TAF1D: variants seen among roughly 807,000 people sequenced by gnomAD.
TAF1D encodes TATA box-binding protein-associated factor RNA polymerase I subunit D.
Under a neutral mutation model 26.2 loss-of-function variants are expected in TAF1D, and 23 were observed. The observed-to-expected ratio is 0.88, with a 90% CI of 0.63 to 1.25. The LOEUF is 1.25. TAF1D is among the 50% of genes most tolerant of loss of function. The pLI is 0.00. For missense variants in TAF1D, 299 were observed against 322.0 expected, an observed-to-expected ratio of 0.93 and a Z score of 0.55; for synonymous variants, 100 against 105.6, an observed-to-expected ratio of 0.95 and a Z score of 0.33.
Position 93,737,147 on chromosome 11 carries a change from T to C in TAF1D, c.552A>G (p.Glu184=). The C allele has an allele frequency of 6.2e-7, 1 of 1,612,604 alleles. No individual in the cohort carries two copies. Among genetic ancestry groups the C allele is most frequent in the South Asian group, 1.1e-5 (1 of 90,728 alleles). Reference sequence around the variant, plus strand: ...TGTCAAAATCTTCATTTTCTAAATCTTCACCAACATTCATTTGCTTCAATG... The same window carrying C: ...TGTCAAAATCTTCATTTTCTAAATCCTCACCAACATTCATTTGCTTCAATG... ...KESLKQMNVG[E]DLENEDFDSR... is the part of the protein sequence containing the mutation. Residue 184 remains glutamate (E), a synonymous_variant, in exon 4 of 6, where the codon GAA becomes GAG. Transcript: ENST00000448108.
At position 93,738,398 on chromosome 11, in the gene TAF1D, T is replaced by A. The variant is rs1166869694; in HGVS notation, c.170A>T (p.Glu57Val). The A allele has an allele frequency of 6.2e-7, 1 of 1,613,924 alleles. No individual in the cohort carries two copies. Among genetic ancestry groups the A allele is most frequent in the Non-Finnish European group, 8.5e-7 (1 of 1,179,984 alleles). Reference sequence around the variant, plus strand: ...TGATGAATCACTTGCGTGAACACTTTCAGGTGTACGAACAAATTTTCGAAT... The same window carrying A: ...TGATGAATCACTTGCGTGAACACTTACAGGTGTACGAACAAATTTTCGAAT... ...NPIRKFVRTP[E>V]SVHASDSSSD... The change falls in exon 3 of 6, where the codon GAA becomes GTA. Residue 57 changes from glutamate to valine, a missense_variant. Glu to Val is a moderately radical substitution (Grantham distance 121, BLOSUM62 -2). Transcript: ENST00000448108.
At chr11:93,733,533 A>G (rs1267358726), downstream of TAF1D, 1 of 518,800 alleles carries the variant, frequency 1.9e-6, no homozygotes, top group Admixed American at 1.9e-5. Context: ...CCACAGAGTT[A>G]CTCTATGAGG....
chr11:93,741,146 G>A (rs1591313640), intron 1 of TAF1D, among the ~76,000 whole-genome samples, 176 bp downstream of exon 1: 2 of 152,340 alleles, frequency 1.3e-5, no homozygotes, highest in African/African-American at 4.8e-5. Flanking sequence ...CGTTTGTGTG[G>A]GACTCATACC....
downstream of TAF1D, chr11:93,730,761 G>A (rs569447938): frequency 2.6e-4 from 116 of 448,240 alleles, 1 homozygote; most frequent in South Asian, 6.6e-4. Flanking sequence ...AGAGATGAGT[G>A]TACAGTGAGT....
exon 12 of TAF1D, chr11:93,730,440 A>AGTT: frequency 1.3e-6 from 1 of 761,060 alleles, no homozygotes; most frequent in Non-Finnish European, 2.4e-6. Flanking sequence ...TTTATCTTCA[A>AGTT]GTTTGCCCTG....
downstream of TAF1D, chr11:93,730,808 C>A: frequency 2.5e-6 from 1 of 404,886 alleles, no homozygotes; most frequent in Non-Finnish European, 4.8e-6. Context: ...CCTGAGTTAA[C>A]TCTACTACAA....
chr11:93,731,347 T>C (rs191780699), downstream of TAF1D: 29 of 348,204 alleles, frequency 8.3e-5, no homozygotes, highest in Middle Eastern at 1.9e-3. Context: ...GAAAATTCTA[T>C]GCTTAAAATA....
At chr11:93,737,013 G>T (rs1236434737) in intron 4 of TAF1D, 51 bp downstream of exon 4, 11 of 1,427,190 alleles carry the variant, frequency 7.7e-6, no homozygotes, top group South Asian at 1.5e-5. Context: ...AATTAACATA[G>T]AAATTTAATT....
downstream of TAF1D, chr11:93,735,238 T>C (rs780233072): frequency 2.2e-6 from 3 of 1,348,794 alleles, no homozygotes; most frequent in South Asian, 3.4e-5. Context: ...ATAAGTGCAG[T>C]CCCAAAATGC....
At chr11:93,732,792 T>C (rs1939520457), downstream of TAF1D, 1 of 231,166 alleles carries the variant, frequency 4.3e-6, no homozygotes, top group Non-Finnish European at 8.8e-6. Flanking sequence ...CACAAAATTC[T>C]TTTTATGTAA....
At chr11:93,730,919 TAAAG>T, downstream of TAF1D, 1 of 475,266 alleles carries the variant, frequency 2.1e-6, no homozygotes, top group South Asian at 1.6e-5. Flanking sequence ...TCACTGATTT[TAAAG>T]AAAAATCACA....
At chr11:93,737,485 AT>A (rs1941043002) in intron 3 of TAF1D, among the ~76,000 whole-genome samples, 1 of 152,186 alleles carries the variant, frequency 6.6e-6, no homozygotes, top group Non-Finnish European at 1.5e-5. Context: ...TACTAAAGGC[AT>A]TTTAAAATGT....
At chr11:93,736,530 T>G (rs1401897406) in intron 5 of TAF1D, 164 bp downstream of exon 5, 2 of 1,424,148 alleles carry the variant, frequency 1.4e-6, no homozygotes, top group African/African-American at 2.9e-5. Flanking sequence ...ATGTTCTTTA[T>G]CAAGTCTCTA....
chr11:93,737,963 G>T, intron 3 of TAF1D, 146 bp downstream of exon 3: 1 of 760,658 alleles, frequency 1.3e-6, no homozygotes, highest in East Asian at 2.9e-5. Flanking sequence ...AGGATAGGGT[G>T]GACTTTAGGG....
In TAF1D at chr11:93,737,207, A is replaced by G; in HGVS notation, c.492T>C (p.Ile164=). The part of the protein sequence containing the change: ...QAVARGFFNY[I]EKLKYEHHLK... The stretch of plus-strand genomic sequence containing the variant: ...GGTGGTGTTCATACTTCAGTTTTTC[A>G]ATATAGTTAAAAAATCCTCTTGCAA... The change falls in exon 4 of 6, where the codon ATT becomes ATC. Residue 164 remains isoleucine, a synonymous_variant. Coordinates refer to ENST00000448108, the MANE Select transcript of TAF1D (RefSeq NM_024116.4). The G allele has an allele frequency of 6.2e-7, 1 of 1,605,732 alleles. No homozygotes were observed. Among genetic ancestry groups the G allele is most frequent in the Non-Finnish European group, 8.5e-7 (1 of 1,176,970 alleles).
At chr11:93,733,055 C>T, downstream of TAF1D, 2 of 330,994 alleles carry the variant, frequency 6.0e-6, no homozygotes, top group Non-Finnish European at 1.2e-5. Flanking sequence ...CTTTTGAGTC[C>T]TTGATTATTA....
In TAF1D at chr11:93,736,134, G is replaced by C; in HGVS notation, c.*27C>G. The C allele has an allele frequency of 6.4e-7, 1 of 1,557,584 alleles. No homozygotes were observed. Among genetic ancestry groups the C allele is most frequent in the South Asian group, 1.1e-5 (1 of 89,720 alleles). ...TTCTATGAAGTCGTTTTTTCTATATGCTTCACCTTTGACATTCATGATCCT... is the reference window on the plus strand; with the variant it reads ...TTCTATGAAGTCGTTTTTTCTATATCCTTCACCTTTGACATTCATGATCCT... On this transcript the variant is annotated 3_prime_UTR_variant, in exon 6 of 6. Transcript: ENST00000448108.
Position 93,741,465 on chromosome 11 carries a change from C to G in TAF1D, c.-171G>C, listed in dbSNP as rs1450989420. 6.6e-6 allele frequency: 3 copies of G among 456,154 alleles called. No homozygotes were observed. Among genetic ancestry groups the G allele is most frequent in the East Asian group, 1.4e-4 (2 of 14,392 alleles). The allele number at this position is 456,154 out of a possible 1,614,324, so 28.3% of individuals were successfully genotyped here. On this transcript the variant is annotated 5_prime_UTR_variant, in exon 1 of 6. Coordinates refer to ENST00000448108, the MANE Select transcript of TAF1D (RefSeq NM_024116.4). ...CAGCCCTCCAACTCCCGATAACCAG[C>G]CGACCTCCTCCAACCGTGCGGAAGA...
chr11:93,734,633 C>G (rs1326068017), downstream of TAF1D: 5 of 891,032 alleles, frequency 5.6e-6, no homozygotes, highest in Non-Finnish European at 4.8e-6. Context: ...ACCTTTAACT[C>G]CAGACACCAT....
Sources: gnomAD v4.1 joint callset for allele counts (sites outside exome capture counted in the v4.1 genomes callset) on GRCh38, gnomAD v4.1.1 for gene constraint, MANE v1.5 for transcripts, NCBI Gene and HGNC (gene_info 2026-07-23, HGNC 2026-07-21) for gene names.